SNRPN: variants seen among roughly 807,000 people sequenced by gnomAD.
SNRPN encodes the protein small nuclear ribonucleoprotein-associated protein N.
Under a neutral mutation model 25.2 loss-of-function variants are expected in SNRPN, and 7 were observed. The observed-to-expected ratio is 0.28, with a 90% CI of 0.16 to 0.52. The LOEUF is 0.52. Among genes scored for constraint, SNRPN ranks in the 20% least tolerant of loss-of-function variants. SNRPN has a pLI of 0.96. For missense variants in SNRPN, 196 were observed against 322.5 expected (o/e 0.61, Z 3.00); for synonymous variants, 124 against 110.6 (o/e 1.12, Z -0.76).
intron 2 of SNRPN, among the ~76,000 whole-genome samples, chr15:24,837,558 A>G (rs1298030733): frequency 6.6e-6 from 1 of 151,434 alleles, no homozygotes; most frequent in East Asian, 2.0e-4. Context: ...TTTGGTAGAG[A>G]CGGGGTTTCA....
At chr15:24,927,520 C>CTTTTTTTTTTTTTTTTTTTT (rs2060497188) in intron 3 of SNRPN, among the ~76,000 whole-genome samples, 6 of 73,734 alleles carry the variant, frequency 8.1e-5, no homozygotes, top group East Asian at 9.1e-4. Flanking sequence ...TTTTTTTTTA[C>CTTTTTTTTTTTTTTTTTTTT]TTTTGACCAC....
intron 2 of SNRPN, among the ~76,000 whole-genome samples, chr15:24,907,361 G>T (rs961293078): frequency 6.6e-6 from 1 of 152,096 alleles, no homozygotes; most frequent in Non-Finnish European, 1.5e-5. Flanking sequence ...ACTTTGGGAG[G>T]CCGAGGCAGG....
chr15:24,925,604 A>G (rs975894941), intron 3 of SNRPN, among the ~76,000 whole-genome samples: 1 of 151,438 alleles, frequency 6.6e-6, no homozygotes, highest in Non-Finnish European at 1.5e-5. Flanking sequence ...TAAATTTATT[A>G]TTGTTGTTGT....
At chr15:24,870,855 AT>A (rs11367544) in intron 1 of SNRPN, among the ~76,000 whole-genome samples, 34,112 of 146,954 alleles carry the variant, frequency 0.23, 4,266 homozygotes, top group East Asian at 0.31. Flanking sequence ...CCTACAAATA[AT>A]TTTTTTTTTT....
At chr15:24,843,494 A>T (rs958029301) in intron 2 of SNRPN, among the ~76,000 whole-genome samples, 1 of 152,116 alleles carries the variant, frequency 6.6e-6, no homozygotes, top group Non-Finnish European at 1.5e-5. Flanking sequence ...CTAAAAATAC[A>T]AAACTTGGCC....
At position 24,976,367 on chromosome 15, in the gene SNRPN, G is replaced by A. The variant is rs755610165; in HGVS notation, c.218G>A (p.Arg73His). The stretch of plus-strand genomic sequence containing the variant: ...CGGGTTTTGGGTCTGGTGTTGCTGC[G>A]TGGGGAGAACTTGGTATCCATGACT... ...EKRVLGLVLL[R>H]GENLVSMTVE... The change falls in exon 6 of 10, where the codon CGT becomes CAT. Residue 73 changes from arginine to histidine, a missense_variant. Physicochemically the swap from Arg to His is conservative, Grantham distance 29. Transcript: ENST00000390687. The A allele has an allele frequency of 3.7e-6, 6 of 1,613,244 alleles. No homozygotes were observed. The highest frequency in any genetic ancestry group is 1.7e-5 in the Admixed American group (1 of 59,726).
At chr15:24,864,568 T>C (rs2054380018) in intron 1 of SNRPN, among the ~76,000 whole-genome samples, 1 of 151,946 alleles carries the variant, frequency 6.6e-6, no homozygotes, top group South Asian at 2.1e-4. Flanking sequence ...GGTCTCCAAC[T>C]CCTGACCTCA....
chr15:24,900,271 A>G (rs1386217517), intron 2 of SNRPN, among the ~76,000 whole-genome samples: 3 of 152,186 alleles, frequency 2.0e-5, no homozygotes, highest in African/African-American at 7.2e-5. Context: ...GAGAACTTCC[A>G]TGGCGACTAT....
chr15:24,851,637 C>G (rs1199382617), upstream of SNRPN: 3 of 152,300 alleles, frequency 2.0e-5, no homozygotes, highest in Admixed American at 2.0e-4. Flanking sequence ...GGCCAGCCCA[C>G]TAAGGAATGC....
Position 24,978,176 on chromosome 15 carries a change from A to G in SNRPN, c.560-17A>G. The G allele has an allele frequency of 6.2e-7, 1 of 1,608,330 alleles. No individual in the cohort carries two copies. The highest frequency in any genetic ancestry group is 2.2e-5 in the East Asian group (1 of 44,782). On this transcript the variant is annotated splice_polypyrimidine_tract_variant and intron_variant, in intron 8 of 9. Transcript: ENST00000390687. ...GCCATTTTATGAGGCCTTTATTTCT[A>G]CCATTTTTCACTGTAGGCATTATGG...
At chr15:24,877,604 C>A (rs542247989) in intron 1 of SNRPN, among the ~76,000 whole-genome samples, 1 of 152,198 alleles carries the variant, frequency 6.6e-6, no homozygotes, top group East Asian at 1.9e-4. Context: ...GCCGGCGGAT[C>A]ACCTGAGGTC....
chr15:24,943,373 A>T (rs548562005), intron 3 of SNRPN, among the ~76,000 whole-genome samples: 1 of 152,190 alleles, frequency 6.6e-6, no homozygotes, highest in South Asian at 2.1e-4. Flanking sequence ...ACCAGGCCTG[A>T]GTCTTCTCTT....
In SNRPN at chr15:24,884,961, G is replaced by A. The variant is rs77470006; in HGVS notation, c.-578-1555G>A. ...AGTAGAGCATCCTCAGAAAGCAAGAGGAGAAATGCCTTGTATTTAAGTTTT... is the reference window on the plus strand; with the variant it reads ...AGTAGAGCATCCTCAGAAAGCAAGAAGAGAAATGCCTTGTATTTAAGTTTT... On this transcript the variant is annotated intron_variant, in intron 1 of 11. Transcript: ENST00000400097. Among the ~76,000 whole-genome samples the A allele has an allele frequency of 4.3e-3, 656 of 152,260 alleles. 6 individuals carry two copies. The highest frequency in any genetic ancestry group is 0.015 in the African/African-American group (628 of 41,552).
intron 2 of SNRPN, among the ~76,000 whole-genome samples, chr15:24,834,569 A>G (rs934416559): frequency 7.9e-5 from 12 of 151,644 alleles, no homozygotes; most frequent in African/African-American, 2.9e-4. Context: ...CGTCTCTATA[A>G]AAAGTGTAAA....
At chr15:24,918,445 T>C (rs371602181) in intron 2 of SNRPN, among the ~76,000 whole-genome samples, 2,649 of 115,002 alleles carry the variant, frequency 0.023, 79 homozygotes, top group East Asian at 0.037. Context: ...TATATATGTG[T>C]ATATATATAA....
chr15:24,952,479 T>C (rs2062356616), upstream of SNRPN, among the ~76,000 whole-genome samples: 1 of 152,192 alleles, frequency 6.6e-6, no homozygotes, highest in Non-Finnish European at 1.5e-5. Flanking sequence ...AGTTGTAGGA[T>C]ATGTTGAATC....
intron 1 of SNRPN, among the ~76,000 whole-genome samples, chr15:24,827,267 C>A (rs1360007687): frequency 6.6e-6 from 1 of 151,970 alleles, no homozygotes; most frequent in Non-Finnish European, 1.5e-5. Flanking sequence ...GTAATCCCAG[C>A]ACTTTGGGAG....
At chr15:24,928,128 G>T (rs1361354363) in intron 3 of SNRPN, among the ~76,000 whole-genome samples, 1 of 152,264 alleles carries the variant, frequency 6.6e-6, no homozygotes, top group Non-Finnish European at 1.5e-5. Flanking sequence ...TATACTTTTG[G>T]TGGGAATGTG....
chr15:24,910,005 T>C (rs1201516219), intron 2 of SNRPN, among the ~76,000 whole-genome samples: 1 of 152,200 alleles, frequency 6.6e-6, no homozygotes, highest in African/African-American at 2.4e-5. Flanking sequence ...TTAATGGGTT[T>C]ATTTTAATAT....
Sources: allele counts gnomAD v4.1 joint callset (sites outside exome capture counted in the v4.1 genomes callset), GRCh38; gene constraint gnomAD v4.1.1; transcripts MANE v1.5; gene names NCBI Gene and HGNC (gene_info 2026-07-23, HGNC 2026-07-21).